CCDC171: variants seen among roughly 807,000 people sequenced by gnomAD.
CCDC171 encodes the protein coiled-coil domain containing 171, also known as coiled-coil domain-containing protein 171.
CCDC171 carries 177 observed loss-of-function variants against 168.2 expected under a neutral mutation model. That is an observed-to-expected ratio of 1.05 (90% CI 0.93 to 1.19). The LOEUF (loss-of-function observed/expected upper bound fraction) is 1.19. CCDC171 is among the 50% of genes most tolerant of loss of function. The pLI, the probability that CCDC171 is intolerant of heterozygous loss-of-function variation, is 0.00. For missense variants in CCDC171, 1,991 were observed against 1,539.0 expected, an observed-to-expected ratio of 1.29 and a Z score of -4.91; for synonymous variants, 687 against 540.8, an observed-to-expected ratio of 1.27 and a Z score of -3.75.
At chr9:16,035,102 A>G (rs1833438500) in intron 6 of CCDC171, among the ~76,000 whole-genome samples, 1 of 152,188 alleles carries the variant, frequency 6.6e-6, no homozygotes. Context: ...GTAAAGCAGC[A>G]TTTTGTAAGG....
At chr9:16,045,276 G>A (rs948279725) in intron 1 of CCDC171, among the ~76,000 whole-genome samples, 5 of 152,114 alleles carry the variant, frequency 3.3e-5, no homozygotes, top group Admixed American at 3.3e-4. Flanking sequence ...AAGGGAAGGA[G>A]GCCACCAAAG....
chr9:16,020,784 G>A, exon 4 of CCDC171: 1 of 154,392 alleles, frequency 6.5e-6, no homozygotes, highest in Non-Finnish European at 1.5e-5. Context: ...TTCATCATGT[G>A]CCTCCGAATG....
intron 7 of CCDC171, among the ~76,000 whole-genome samples, chr9:15,626,015 C>T (rs1485934669): frequency 6.6e-6 from 1 of 152,102 alleles, no homozygotes; most frequent in Non-Finnish European, 1.5e-5. Context: ...TTGTAGTTCT[C>T]CTTGAAGAGG....
At chr9:15,852,471 T>C (rs906587102) in intron 23 of CCDC171, among the ~76,000 whole-genome samples, 1 of 151,798 alleles carries the variant, frequency 6.6e-6, no homozygotes, top group Admixed American at 6.6e-5. Flanking sequence ...TTGCATATTC[T>C]GGATACTAGA....
At chr9:15,822,054 A>G (rs772838340) in intron 21 of CCDC171, among the ~76,000 whole-genome samples, 5 of 152,232 alleles carry the variant, frequency 3.3e-5, no homozygotes, top group Non-Finnish European at 7.3e-5. Flanking sequence ...CTGATCTTTG[A>G]CAAACCTGAG....
Position 15,708,618 on chromosome 9 carries a change from C to T in CCDC171, c.1319-13151C>T, listed in dbSNP as rs370254975. The stretch of plus-strand genomic sequence containing the variant: ...AATACAGCTAGCCAGGAATGACCCA[C>T]GGATTGGAGGTAAAGTTCTGAGAAG... On this transcript the variant is annotated intron_variant, in intron 11 of 25. Transcript: ENST00000380701. Among the ~76,000 whole-genome samples the T allele has an allele frequency of 1.2e-4, 18 of 152,032 alleles. No homozygotes were observed. The East Asian group carries it at 2.5e-3, about 21-fold the overall frequency.
chr9:15,733,826 T>G (rs2054306259), intron 16 of CCDC171, among the ~76,000 whole-genome samples: 1 of 152,294 alleles, frequency 6.6e-6, no homozygotes, highest in East Asian at 1.9e-4. Context: ...TTGAGTATGG[T>G]GGCACAGTCA....
At chr9:15,831,562 T>C (rs927477595) in intron 21 of CCDC171, among the ~76,000 whole-genome samples, 2 of 152,180 alleles carry the variant, frequency 1.3e-5, no homozygotes, top group Non-Finnish European at 2.9e-5. Flanking sequence ...ATAGGAAAGA[T>C]TTATTATAAG....
At chr9:15,610,295 G>T (rs1166267599) in intron 6 of CCDC171, among the ~76,000 whole-genome samples, 1 of 150,542 alleles carries the variant, frequency 6.6e-6, no homozygotes, top group African/African-American at 2.4e-5. Flanking sequence ...GCTCGATCAT[G>T]GCTCACTGCA....
intron 25 of CCDC171, among the ~76,000 whole-genome samples, chr9:15,948,780 C>G (rs1044628015): frequency 1.3e-5 from 2 of 151,466 alleles, no homozygotes; most frequent in Non-Finnish European, 3.0e-5. Context: ...GTTGCCTGTT[C>G]ACTCTGATGG....
At chr9:16,095,867 CACATATATATATATAT>C in the CCDC171 span, among the ~76,000 whole-genome samples, 15 of 52,784 alleles carry the variant, frequency 2.8e-4, no homozygotes, top group African/African-American at 1.1e-3. Context: ...CACACATAGG[CACATATATATATATAT>C]ATATATATAT....
At chr9:15,751,868 A>C (rs2055767057) in intron 18 of CCDC171, among the ~76,000 whole-genome samples, 1 of 152,236 alleles carries the variant, frequency 6.6e-6, no homozygotes. Context: ...TCATGACTAT[A>C]ACACCAAAAG....
chr9:15,990,152 G>GA (rs1430669242), intron 3 of CCDC171, among the ~76,000 whole-genome samples: 1 of 152,078 alleles, frequency 6.6e-6, no homozygotes, highest in Non-Finnish European at 1.5e-5. Context: ...TGAAATGAAG[G>GA]AAAAAATGTT....
intron 3 of CCDC171, among the ~76,000 whole-genome samples, chr9:15,575,067 C>G (rs551401933): frequency 3.1e-4 from 47 of 149,850 alleles, no homozygotes; most frequent in Non-Finnish European, 6.2e-4. Flanking sequence ...TGAGGCTATT[C>G]AGATATCTCA....
chr9:16,009,917 T>C (rs572144933), intron 3 of CCDC171, among the ~76,000 whole-genome samples: 3 of 152,176 alleles, frequency 2.0e-5, no homozygotes, highest in East Asian at 1.9e-4. Context: ...TACAGGCGAA[T>C]TGAATGCTGG....
chr9:15,580,667 A>G (rs1321559089), intron 4 of CCDC171, among the ~76,000 whole-genome samples: 1 of 152,258 alleles, frequency 6.6e-6, no homozygotes, highest in Non-Finnish European at 1.5e-5. Context: ...ATGCAAGTCA[A>G]AAGCGCAATG....
At chr9:16,067,267 G>A in the CCDC171 span, among the ~76,000 whole-genome samples, 1 of 151,940 alleles carries the variant, frequency 6.6e-6, no homozygotes, top group Non-Finnish European at 1.5e-5. Flanking sequence ...CTTCTTTTGA[G>A]AAGTGTCTGT....
chr9:16,052,370 G>T (rs1833762961), intron 1 of CCDC171, among the ~76,000 whole-genome samples: 1 of 152,118 alleles, frequency 6.6e-6, no homozygotes, highest in Non-Finnish European at 1.5e-5. Flanking sequence ...GTGAGACTGT[G>T]GCTCATCCGG....
chr9:16,106,348 G>A, the CCDC171 span, among the ~76,000 whole-genome samples: 4 of 152,224 alleles, frequency 2.6e-5, no homozygotes, highest in Non-Finnish European at 1.5e-5. Context: ...TGCGCCCCTC[G>A]CACAGCATGC....
Sources: gnomAD v4.1 joint callset for allele counts (sites outside exome capture counted in the v4.1 genomes callset) on GRCh38, gnomAD v4.1.1 for gene constraint, MANE v1.5 for transcripts, NCBI Gene and HGNC (gene_info 2026-07-23, HGNC 2026-07-21) for gene names.